ADAMTS19: variants seen among roughly 807,000 people sequenced by gnomAD.
The protein encoded by ADAMTS19 is ADAM metallopeptidase with thrombospondin type 1 motif 19, also known as A disintegrin and metalloproteinase with thrombospondin motifs 19.
In ADAMTS19, 93 loss-of-function variants were observed where a neutral mutation model predicts 153.3. The observed-to-expected ratio is 0.61, with a 90% CI of 0.51 to 0.72. ADAMTS19 has a LOEUF of 0.72. Ranked by LOEUF, ADAMTS19 falls within the 30% of genes least tolerant of loss-of-function variation. The pLI is 0.00. For missense variants in ADAMTS19, 1,482 were observed against 1,552.1 expected (o/e 0.95, Z 0.76); for synonymous variants, 600 against 556.6 (o/e 1.08, Z -1.10).
chr5:129,600,236 C>T (rs908845547), intron 8 of ADAMTS19, among the ~76,000 whole-genome samples: 7 of 152,228 alleles, frequency 4.6e-5, no homozygotes, highest in Middle Eastern at 3.4e-3. Context: ...AACACATACA[C>T]GCAGAGCCCT....
intron 16 of ADAMTS19, among the ~76,000 whole-genome samples, chr5:129,671,630 A>G (rs1258616739): frequency 6.6e-6 from 1 of 152,206 alleles, no homozygotes; most frequent in African/African-American, 2.4e-5. Flanking sequence ...GAGATAATTA[A>G]TCCCTTCCCA....
At chr5:129,643,383 A>AAAAAAG (rs1561622465) in intron 11 of ADAMTS19, among the ~76,000 whole-genome samples, 4 of 108,338 alleles carry the variant, frequency 3.7e-5, no homozygotes, top group African/African-American at 1.1e-4. Context: ...AAAAAAAAAA[A>AAAAAAG]AAAGAAAAAA....
chr5:129,468,484 G>A (rs759818880), intron 2 of ADAMTS19, among the ~76,000 whole-genome samples: 3 of 152,122 alleles, frequency 2.0e-5, no homozygotes, highest in Admixed American at 6.5e-5. Context: ...CTCCTAAGTA[G>A]CTGGGACTAC....
intron 3 of ADAMTS19, among the ~76,000 whole-genome samples, chr5:129,522,131 A>G (rs986334944): frequency 1.3e-5 from 2 of 151,414 alleles, no homozygotes; most frequent in African/African-American, 4.9e-5. Flanking sequence ...GATAATACTC[A>G]GATTCTCATT....
Position 129,698,520 on chromosome 5 carries a change from C to T in ADAMTS19, c.2955-2868C>T, listed in dbSNP as rs1042568113. Among the ~76,000 whole-genome samples the T allele has an allele frequency of 8.4e-4, 128 of 152,240 alleles. 1 individual carries two copies. The highest frequency in any genetic ancestry group is 2.9e-3 in the African/African-American group (122 of 41,548). On this transcript the variant is annotated intron_variant, in intron 19 of 22. Coordinates refer to ENST00000274487, the MANE Select transcript of ADAMTS19 (RefSeq NM_133638.6). ...TAAAGATAAGGAAATGGGATCCTTC[C>T]AAATTAAGTTCTAAGCCACGAAAAT... is the stretch of plus-strand genomic sequence containing the variant.
At position 129,648,769 on chromosome 5, in the gene ADAMTS19, A is replaced by C. The variant is rs1753181898; in HGVS notation, c.2004-29A>C. On this transcript the variant is annotated intron_variant, in intron 12 of 22. Transcript: ENST00000274487. ...CTAGGTAGTTAACATAAAAAACATA[A>C]AATTGATTATTTGTACTTTCTTTTC... is the stretch of plus-strand genomic sequence containing the variant. 4 of 1,600,770 alleles carry C rather than the reference A, an allele frequency of 2.5e-6. No homozygotes were observed. In the African/African-American group the frequency reaches 5.4e-5, roughly 22 times the overall value.
At chr5:129,641,545 A>G (rs1452803967) in intron 10 of ADAMTS19, among the ~76,000 whole-genome samples, 1 of 152,150 alleles carries the variant, frequency 6.6e-6, no homozygotes, top group Non-Finnish European at 1.5e-5. Context: ...TAGCATATAA[A>G]TGATGATTTC....
chr5:129,582,570 T>C (rs775222047), intron 7 of ADAMTS19, among the ~76,000 whole-genome samples: 47 of 151,740 alleles, frequency 3.1e-4, no homozygotes, highest in Non-Finnish European at 6.0e-4. Flanking sequence ...TTTTATTTAT[T>C]TTTAATTTTT....
chr5:129,540,583 T>C (rs777909993), intron 6 of ADAMTS19, among the ~76,000 whole-genome samples: 9 of 152,064 alleles, frequency 5.9e-5, no homozygotes, highest in Non-Finnish European at 1.3e-4. Flanking sequence ...CATGTGAAAG[T>C]TAGTTTCAAA....
intron 6 of ADAMTS19, among the ~76,000 whole-genome samples, chr5:129,550,670 C>G (rs1312187012): frequency 6.6e-6 from 1 of 151,188 alleles, no homozygotes; most frequent in African/African-American, 2.4e-5. Context: ...ATCAATGTGA[C>G]TTCATTGGTG....
chr5:129,660,896 C>T (rs1361939288), intron 15 of ADAMTS19, among the ~76,000 whole-genome samples: 4 of 152,146 alleles, frequency 2.6e-5, no homozygotes, highest in African/African-American at 9.7e-5. Context: ...CCTCGTGTCA[C>T]ACCAAGGTCC....
At chr5:129,527,869 G>T in intron 5 of ADAMTS19, 38 bp downstream of exon 5, 1 of 1,322,548 alleles carries the variant, frequency 7.6e-7, no homozygotes, top group Non-Finnish European at 1.1e-6. Flanking sequence ...ATTAAATGGG[G>T]GAGAAATTTT....
At chr5:129,692,719 T>C (rs77255117) in intron 18 of ADAMTS19, among the ~76,000 whole-genome samples, 6,746 of 152,254 alleles carry the variant, frequency 0.044, 458 homozygotes, top group African/African-American at 0.15. Context: ...ATGTGGAGGA[T>C]GAGTACTGTT....
intron 20 of ADAMTS19, among the ~76,000 whole-genome samples, chr5:129,702,971 TACAAATAC>T (rs1472868618): frequency 8.5e-5 from 11 of 129,770 alleles, no homozygotes; most frequent in African/African-American, 2.7e-4. Context: ...TATATATATA[TACAAATAC>T]ATATATATAT....
intron 8 of ADAMTS19, among the ~76,000 whole-genome samples, chr5:129,610,143 A>T (rs1454903079): frequency 1.3e-5 from 2 of 151,932 alleles, no homozygotes; most frequent in Non-Finnish European, 2.9e-5. Flanking sequence ...AATACGAGGC[A>T]GTTCTGATAT....
At chr5:129,678,488 T>C (rs770304919) in intron 16 of ADAMTS19, among the ~76,000 whole-genome samples, 4 of 152,070 alleles carry the variant, frequency 2.6e-5, no homozygotes, top group Non-Finnish European at 4.4e-5. Flanking sequence ...GTTGTTCATT[T>C]TGGGGGTTCC....
intron 11 of ADAMTS19, 143 bp from the exon 12 acceptor site, chr5:129,647,622 A>G (rs960661218): frequency 9.8e-6 from 9 of 918,344 alleles, no homozygotes; most frequent in Middle Eastern, 3.3e-4. Context: ...ACAAGTGCCA[A>G]CTTATTTTTG....
At chr5:129,723,777 A>C (rs1757097493) in intron 21 of ADAMTS19, among the ~76,000 whole-genome samples, 1 of 152,170 alleles carries the variant, frequency 6.6e-6, no homozygotes, top group South Asian at 2.1e-4. Flanking sequence ...CAGCCCTGGG[A>C]AATTCTGAGA....
At chr5:129,472,971 GA>G (rs545775368) in intron 2 of ADAMTS19, among the ~76,000 whole-genome samples, 80 of 151,954 alleles carry the variant, frequency 5.3e-4, no homozygotes, top group African/African-American at 1.8e-3. Flanking sequence ...AATCAGTGGT[GA>G]AGAGAAAATT....
Sources: gnomAD v4.1 joint callset for allele counts (sites outside exome capture counted in the v4.1 genomes callset) on GRCh38, gnomAD v4.1.1 for gene constraint, MANE v1.5 for transcripts, NCBI Gene and HGNC (gene_info 2026-07-23, HGNC 2026-07-21) for gene names.